Variants in UBR1 observed in about 807,000 individuals in gnomAD.
The protein encoded by UBR1 is ubiquitin protein ligase E3 component n-recognin 1, also known as E3 ubiquitin-protein ligase UBR1.
UBR1 carries 102 observed loss-of-function variants against 242.1 expected under a neutral mutation model. That is an observed-to-expected ratio of 0.42 (90% CI 0.36 to 0.50). UBR1 has a LOEUF of 0.50. UBR1 is among the 20% of genes least tolerant of loss of function. The pLI is 0.01. For synonymous variants in UBR1, 675 were observed against 684.8 expected (o/e 0.99, Z 0.22); for missense variants, 1,772 against 2,101.8 (o/e 0.84, Z 3.07).
chr15:42,950,727 CAGA>C (rs1028964670), intron 45 of UBR1, among the ~76,000 whole-genome samples: 1 of 152,118 alleles, frequency 6.6e-6, no homozygotes, highest in Non-Finnish European at 1.5e-5. Context: ...GGGAACCTCA[CAGA>C]AGAACAGAAT....
chr15:43,082,047 C>G (rs1325923878), intron 3 of UBR1, among the ~76,000 whole-genome samples: 2 of 151,836 alleles, frequency 1.3e-5, no homozygotes, highest in East Asian at 3.8e-4. Context: ...AAAAGTATAA[C>G]AAAATTTTAT....
chr15:43,078,422 G>T (rs1385629185), intron 3 of UBR1, among the ~76,000 whole-genome samples: 1 of 152,036 alleles, frequency 6.6e-6, no homozygotes, highest in African/African-American at 2.4e-5. Flanking sequence ...AAATTACACA[G>T]AAAATGGAAG....
intron 21 of UBR1, among the ~76,000 whole-genome samples, chr15:43,029,125 G>GCACACACACACA (rs144923922): frequency 5.3e-5 from 8 of 150,956 alleles, no homozygotes; most frequent in African/African-American, 2.0e-4. Flanking sequence ...ACACACACAC[G>GCACACACACACA]CACACACACA....
intron 26 of UBR1, 86 bp downstream of exon 26, chr15:43,022,616 A>C (rs2033124431): frequency 1.0e-6 from 1 of 973,654 alleles, no homozygotes; most frequent in East Asian, 2.5e-5. Context: ...TCTGTAAGAT[A>C]TAAACTTTCA....
intron 3 of UBR1, among the ~76,000 whole-genome samples, chr15:43,076,819 T>G (rs1359569038): frequency 1.0e-5 from 1 of 99,348 alleles, no homozygotes; most frequent in Non-Finnish European, 2.1e-5. Flanking sequence ...GTCCGGGAGG[T>G]GAGGGGCGCC....
intron 37 of UBR1, among the ~76,000 whole-genome samples, chr15:42,979,926 G>A (rs141795624): frequency 2.5e-3 from 387 of 152,168 alleles, no homozygotes; most frequent in Non-Finnish European, 4.4e-3. Flanking sequence ...TATTAATATT[G>A]GCTACATAAA....
intron 15 of UBR1, 145 bp downstream of exon 15, chr15:43,043,070 G>T: frequency 1.2e-6 from 1 of 845,522 alleles, no homozygotes; most frequent in Non-Finnish European, 1.9e-6. Context: ...CTCCTTGAAG[G>T]ACAGTGACAG....
intron 1 of UBR1, among the ~76,000 whole-genome samples, chr15:43,092,642 C>A (rs1217639507): frequency 6.6e-6 from 1 of 152,112 alleles, no homozygotes; most frequent in African/African-American, 2.4e-5. Flanking sequence ...CAACCTCTGC[C>A]CCCTGGGTTC....
At chr15:43,088,938 G>T (rs1453093680) in intron 1 of UBR1, among the ~76,000 whole-genome samples, 1 of 151,850 alleles carries the variant, frequency 6.6e-6, no homozygotes, top group Non-Finnish European at 1.5e-5. Flanking sequence ...GAGGCGGGCG[G>T]ATCACTTGAG....
intron 15 of UBR1, among the ~76,000 whole-genome samples, chr15:43,040,021 G>T (rs922889222): frequency 6.6e-6 from 1 of 152,114 alleles, no homozygotes; most frequent in Non-Finnish European, 1.5e-5. Context: ...TGACCATGCT[G>T]CCCAAGGTAA....
chr15:43,102,778 C>CCT (rs144361282), intron 1 of UBR1, among the ~76,000 whole-genome samples: 4,234 of 152,284 alleles, frequency 0.028, 177 homozygotes, highest in African/African-American at 0.095. Flanking sequence ...ATTTTCCACC[C>CCT]GTTTCAATCA....
chr15:43,020,391 A>T (rs2033093718), intron 27 of UBR1, among the ~76,000 whole-genome samples: 1 of 152,188 alleles, frequency 6.6e-6, no homozygotes, highest in African/African-American at 2.4e-5. Flanking sequence ...ATGAGCAAGT[A>T]CTATAGATTT....
chr15:43,030,459 T>A (rs1358364986), intron 20 of UBR1, among the ~76,000 whole-genome samples: 1 of 152,224 alleles, frequency 6.6e-6, no homozygotes, highest in African/African-American at 2.4e-5. Flanking sequence ...CATCACTGAA[T>A]AGCTTTTCTT....
chr15:43,021,591 G>A (rs959983739), intron 26 of UBR1, among the ~76,000 whole-genome samples: 1 of 152,106 alleles, frequency 6.6e-6, no homozygotes, highest in African/African-American at 2.4e-5. Flanking sequence ...CAATGTAAAT[G>A]CTATGTAAAT....
At chr15:43,077,160 G>A (rs957750519) in intron 3 of UBR1, among the ~76,000 whole-genome samples, 1 of 148,734 alleles carries the variant, frequency 6.7e-6, no homozygotes, top group Non-Finnish European at 1.5e-5. Context: ...GTGCCCAGCG[G>A]CTCATTGGGG....
chr15:43,054,831 A>G lies in UBR1; in HGVS notation c.1350T>C (p.Pro450=). 4 of 1,614,166 alleles carry G rather than the reference A, an allele frequency of 2.5e-6. No individual in the cohort carries two copies. The highest frequency in any genetic ancestry group is 3.4e-6 in the Non-Finnish European group (4 of 1,180,004). The change falls in exon 12 of 47, where the codon CCT becomes CCC. Residue 450 remains proline, a synonymous_variant. Coordinates refer to ENST00000290650, the MANE Select transcript of UBR1 (RefSeq NM_174916.3). ...VITETLLEVL[P]EYLDRNNKFN... ...ATTTATTGTTCCTGTCCAAGTACTC[A>G]GGTAAAACTTCTAGCAGAGTTTCAG...
chr15:43,039,025 T>C (rs1328954290), intron 15 of UBR1, among the ~76,000 whole-genome samples: 1 of 151,476 alleles, frequency 6.6e-6, no homozygotes, highest in Non-Finnish European at 1.5e-5. Flanking sequence ...TAACAAAAAT[T>C]TTTATTTTTA....
intron 4 of UBR1, among the ~76,000 whole-genome samples, chr15:43,071,545 A>G (rs560629634): frequency 6.6e-6 from 1 of 151,592 alleles, no homozygotes; most frequent in Non-Finnish European, 1.5e-5. Flanking sequence ...ATGTGAATAT[A>G]CTTAATACTA....
intron 42 of UBR1, among the ~76,000 whole-genome samples, chr15:42,961,003 G>A (rs1349915925): frequency 2.0e-5 from 3 of 151,622 alleles, no homozygotes; most frequent in East Asian, 1.9e-4. Context: ...CAAGTGATCC[G>A]CCCGCCTCAG....
Sources: allele counts gnomAD v4.1 joint callset (sites outside exome capture counted in the v4.1 genomes callset), GRCh38; gene constraint gnomAD v4.1.1; transcripts MANE v1.5; gene names NCBI Gene and HGNC (gene_info 2026-07-23, HGNC 2026-07-21).